Variants in REV1 observed in about 807,000 individuals in gnomAD.
The protein encoded by REV1 is translesion synthesis protein REV1.
In REV1, 42 loss-of-function variants were observed where a neutral mutation model predicts 137.4. The ratio of observed to expected loss-of-function variants is 0.31; its 90% CI spans 0.24 to 0.40. The LOEUF (loss-of-function observed/expected upper bound fraction) is 0.40, where lower values mean the gene tolerates loss of function less well. REV1 is among the 10% of genes least tolerant of loss of function. The probability of loss-of-function intolerance (pLI) is 1.00; values close to 1 mark genes in which losing one functional copy is unlikely to be tolerated. For synonymous variants in REV1, 524 were observed against 519.2 expected (o/e 1.01, Z -0.12); for missense variants, 1,282 against 1,490.1 (o/e 0.86, Z 2.30).
chr2:99,403,917 C>T, intron 18 of REV1, 102 bp from the exon 19 acceptor site: 1 of 1,396,034 alleles, frequency 7.2e-7, no homozygotes, highest in South Asian at 1.3e-5. Context: ...TCTCACTTTT[C>T]TGATCTGTAC....
At position 99,405,896 on chromosome 2, in the gene REV1, C is replaced by T. The variant is rs184946728; in HGVS notation, c.2811+14G>A. The T allele has an allele frequency of 1.1e-5, 16 of 1,505,126 alleles. No homozygotes were observed. The Admixed American group carries it at 1.5e-4, about 14-fold the overall frequency. 93.2% of individuals were successfully genotyped at this position (1,505,126 alleles called of 1,614,324 possible). A position where few individuals can be genotyped will look rare whatever the true frequency, so the allele number is the denominator to read the frequency against. On this transcript the variant is annotated intron_variant, in intron 17 of 22. Coordinates refer to ENST00000258428, the MANE Select transcript of REV1 (RefSeq NM_016316.4). ...GTATAAAATGTACTTATATTTAGGACTACAAAAATGTACCTGGGAAGGTGA... is the reference window on the plus strand; with the variant it reads ...GTATAAAATGTACTTATATTTAGGATTACAAAAATGTACCTGGGAAGGTGA...
At chr2:99,427,086 G>C (rs1242836386) in intron 9 of REV1, among the ~76,000 whole-genome samples, 1 of 152,132 alleles carries the variant, frequency 6.6e-6, no homozygotes, top group Non-Finnish European at 1.5e-5. Context: ...GGAGGCTGAG[G>C]CAGGAGAACG....
chr2:99,456,381 T>C (rs866901867), intron 3 of REV1, among the ~76,000 whole-genome samples: 70 of 152,168 alleles, frequency 4.6e-4, no homozygotes, highest in African/African-American at 1.5e-3. Context: ...AATACCATTT[T>C]AGGTGCAAAT....
intron 4 of REV1, among the ~76,000 whole-genome samples, chr2:99,443,818 C>T (rs186202460): frequency 4.0e-5 from 6 of 151,798 alleles, no homozygotes; most frequent in Admixed American, 2.6e-4. Context: ...CTATTTTTTA[C>T]TTTATTCTTC....
intron 3 of REV1, chr2:99,451,208 A>T: frequency 4.9e-6 from 2 of 404,932 alleles, no homozygotes; most frequent in Non-Finnish European, 7.2e-6. Flanking sequence ...CTAAAAAATT[A>T]ATTTGCAAGT....
intron 1 of REV1, among the ~76,000 whole-genome samples, chr2:99,481,878 TTGAC>T (rs545328307): frequency 6.2e-4 from 94 of 152,218 alleles, no homozygotes; most frequent in Admixed American, 4.5e-3. Context: ...ACAAAAAAAT[TTGAC>T]TGGCCATTGT....
chr2:99,431,915 G>A (rs1680177816), intron 8 of REV1: 1 of 985,196 alleles, frequency 1.0e-6, no homozygotes, highest in Non-Finnish European at 1.2e-6. Context: ...GGAACGGTTG[G>A]AGAAATCAGA....
intron 12 of REV1, among the ~76,000 whole-genome samples, chr2:99,417,408 T>C (rs1678050417): frequency 6.6e-6 from 1 of 152,164 alleles, no homozygotes; most frequent in Non-Finnish European, 1.5e-5. Flanking sequence ...CCTCCCACAG[T>C]GCTGGGATTA....
chr2:99,471,125 T>C (rs1361285847), intron 1 of REV1, among the ~76,000 whole-genome samples: 1 of 132,358 alleles, frequency 7.6e-6, no homozygotes, highest in African/African-American at 2.7e-5. Context: ...ACCCCTTATC[T>C]AGGCAAGGTT....
intron 1 of REV1, among the ~76,000 whole-genome samples, chr2:99,482,588 A>G (rs1686721443): frequency 6.6e-6 from 1 of 152,198 alleles, no homozygotes; most frequent in African/African-American, 2.4e-5. Flanking sequence ...CAGCTATAAA[A>G]TAGGATATGC....
chr2:99,442,266 A>C (rs538803011), intron 5 of REV1, 51 bp downstream of exon 5: 343 of 1,398,284 alleles, frequency 2.5e-4, no homozygotes, highest in East Asian at 6.7e-4. Context: ...AAAAAAAAAA[A>C]AAAAAAAAAA....
At chr2:99,446,873 T>C (rs1444103105) in intron 4 of REV1, among the ~76,000 whole-genome samples, 2 of 152,110 alleles carry the variant, frequency 1.3e-5, no homozygotes, top group Non-Finnish European at 2.9e-5. Flanking sequence ...TCCACAGAAA[T>C]TCCCCATTCC....
chr2:99,432,478 A>G (rs1680242569), intron 8 of REV1, among the ~76,000 whole-genome samples: 1 of 152,236 alleles, frequency 6.6e-6, no homozygotes, highest in Non-Finnish European at 1.5e-5. Context: ...AGCACTGAAA[A>G]AAGTTCTGAG....
intron 3 of REV1, 58 bp downstream of exon 3, chr2:99,462,438 C>A: frequency 1.4e-6 from 2 of 1,474,540 alleles, no homozygotes; most frequent in South Asian, 1.3e-5. Context: ...TAAAACAAAT[C>A]ATTCTCAATC....
chr2:99,439,010 G>A lies in REV1; in HGVS notation c.804C>T (p.Ser268=). The change falls in exon 6 of 23, where the codon AGC becomes AGT. Residue 268 remains serine (S), a synonymous_variant. Transcript: ENST00000258428. ...GCAGAGTGCAGTCTCTGAAATCAGT[G>A]CTGCTCTTCTCAGCCTTATCCTCCT... is the stretch of plus-strand genomic sequence containing the variant. The part of the protein sequence containing the change: ...SQEEDKAEKS[S]TDFRDCTLQQ... 6.2e-7 allele frequency: 1 copy of A among 1,614,202 alleles called. No individual in the cohort carries two copies. The highest frequency in any genetic ancestry group is 8.5e-7 in the Non-Finnish European group (1 of 1,180,024).
At chr2:99,460,333 C>T (rs1326830586) in intron 3 of REV1, among the ~76,000 whole-genome samples, 15 of 152,178 alleles carry the variant, frequency 9.9e-5, no homozygotes, top group Non-Finnish European at 7.3e-5. Flanking sequence ...CCTCGGCCTC[C>T]CAAAGTGCTG....
intron 1 of REV1, among the ~76,000 whole-genome samples, chr2:99,478,180 G>C (rs1473853012): frequency 2.0e-4 from 31 of 152,182 alleles, no homozygotes; most frequent in Non-Finnish European, 4.4e-5. Context: ...AGGTTGTAGT[G>C]AAACTGAGAT....
At chr2:99,408,213 G>T (rs561248039) in intron 14 of REV1, 82 bp from the exon 15 acceptor site, 2 of 695,334 alleles carry the variant, frequency 2.9e-6, no homozygotes, top group South Asian at 5.7e-5. Flanking sequence ...CTGTTTAAAA[G>T]AGTTATAGAA....
At position 99,439,360 on chromosome 2, in the gene REV1, A is replaced by C. The variant is rs977201721; in HGVS notation, c.504-50T>G. The C allele has an allele frequency of 7.5e-6, 10 of 1,326,826 alleles. No individual in the cohort carries two copies. The African/African-American group carries it at 1.5e-4, about 20-fold the overall frequency. 82.2% of individuals were successfully genotyped at this position (1,326,826 alleles called of 1,614,324 possible). A position where few individuals can be genotyped will look rare whatever the true frequency, so the allele number is the denominator to read the frequency against. Reference sequence around the variant, plus strand: ...TTAATAATATCTGACTTTTAGGTTAAAACAATTTTTTCATTTCATCATTTT... The same window carrying C: ...TTAATAATATCTGACTTTTAGGTTACAACAATTTTTTCATTTCATCATTTT... On this transcript the variant is annotated intron_variant, in intron 5 of 22. Coordinates refer to ENST00000258428, the MANE Select transcript of REV1 (RefSeq NM_016316.4).
Sources: allele counts gnomAD v4.1 joint callset (sites outside exome capture counted in the v4.1 genomes callset), GRCh38; gene constraint gnomAD v4.1.1; transcripts MANE v1.5; gene names NCBI Gene and HGNC (gene_info 2026-07-23, HGNC 2026-07-21).